Variants in CACNB4 observed in about 807,000 individuals in gnomAD.
The protein encoded by CACNB4 is calcium voltage-gated channel auxiliary subunit beta 4.
Under a neutral mutation model 71.2 loss-of-function variants are expected in CACNB4, and 32 were observed. That is an observed-to-expected ratio of 0.45 (90% CI 0.34 to 0.60). The LOEUF (loss-of-function observed/expected upper bound fraction) is 0.60. Among genes scored for constraint, CACNB4 ranks in the 20% least tolerant of loss-of-function variants. The pLI is 0.01. For synonymous variants in CACNB4, 231 were observed against 236.9 expected, an observed-to-expected ratio of 0.97 and a Z score of 0.23; for missense variants, 464 against 647.9, an observed-to-expected ratio of 0.72 and a Z score of 3.08.
At chr2:152,056,397 T>TGTCCCC (rs1685732437) in intron 2 of CACNB4, among the ~76,000 whole-genome samples, 1 of 151,236 alleles carries the variant, frequency 6.6e-6, no homozygotes, top group Non-Finnish European at 1.5e-5. Context: ...TTTTCAGAAA[T>TGTCCCC]ATCGTGTCCC....
At chr2:151,991,151 G>C in intron 2 of CACNB4, among the ~76,000 whole-genome samples, 1 of 152,172 alleles carries the variant, frequency 6.6e-6, no homozygotes. Context: ...CAAGCTAGCA[G>C]TGATGAACTC....
chr2:152,082,187 T>A (rs1205617166), intron 2 of CACNB4, among the ~76,000 whole-genome samples: 1 of 152,232 alleles, frequency 6.6e-6, no homozygotes, highest in Non-Finnish European at 1.5e-5. Flanking sequence ...TCTTTGCACA[T>A]CCTTTCATGC....
At chr2:151,901,049 A>C (rs2099853295) in intron 2 of CACNB4, among the ~76,000 whole-genome samples, 2 of 135,898 alleles carry the variant, frequency 1.5e-5, no homozygotes, top group Admixed American at 1.6e-4. Context: ...GCTGAAATGC[A>C]GTGGTGCAAT....
intron 2 of CACNB4, among the ~76,000 whole-genome samples, chr2:151,941,281 T>TC (rs1457323117): frequency 1.3e-5 from 2 of 148,404 alleles, no homozygotes. Context: ...GTTAATTTTT[T>TC]TTTTTTTTTT....
At chr2:152,048,546 A>T (rs1429654385) in intron 2 of CACNB4, 1 of 152,284 alleles carries the variant, frequency 6.6e-6, no homozygotes, top group African/African-American at 2.4e-5. Context: ...CGATGAGAGA[A>T]GTTGGCAGAG....
intron 2 of CACNB4, among the ~76,000 whole-genome samples, chr2:152,061,713 T>G (rs954150118): frequency 6.6e-6 from 1 of 151,066 alleles, no homozygotes; most frequent in Non-Finnish European, 1.5e-5. Context: ...AGAATGATCA[T>G]GTAAATAATG....
At chr2:152,092,748 T>G (rs79936632) in intron 2 of CACNB4, among the ~76,000 whole-genome samples, 19 of 151,968 alleles carry the variant, frequency 1.3e-4, no homozygotes, top group Non-Finnish European at 2.4e-4. Context: ...AGTCCACCCT[T>G]AACCGTGGGG....
intron 2 of CACNB4, among the ~76,000 whole-genome samples, chr2:152,020,383 A>T (rs897208788): frequency 1.3e-5 from 2 of 152,190 alleles, no homozygotes; most frequent in African/African-American, 4.8e-5. Flanking sequence ...CAATTTGGCA[A>T]TGAAGTTGTG....
chr2:151,967,578 A>C (rs554104029), intron 2 of CACNB4: 2 of 152,324 alleles, frequency 1.3e-5, no homozygotes, highest in African/African-American at 4.8e-5. Flanking sequence ...ATAACGTAGA[A>C]GGTCAGAATC....
chr2:152,021,975 T>C (rs1226812561), intron 2 of CACNB4, among the ~76,000 whole-genome samples: 2 of 152,170 alleles, frequency 1.3e-5, no homozygotes, highest in Admixed American at 6.5e-5. Flanking sequence ...AGTATAAGCG[T>C]CTAATCTTTA....
intron 2 of CACNB4, among the ~76,000 whole-genome samples, chr2:151,939,112 C>A (rs1161696607): frequency 6.6e-6 from 1 of 152,204 alleles, no homozygotes; most frequent in Non-Finnish European, 1.5e-5. Flanking sequence ...TGCTCCTCCT[C>A]AGTCAGCAGC....
At chr2:152,039,788 A>AG (rs1684780884) in intron 2 of CACNB4, among the ~76,000 whole-genome samples, 1 of 152,266 alleles carries the variant, frequency 6.6e-6, no homozygotes, top group African/African-American at 2.4e-5. Context: ...AAACTACGTA[A>AG]GTCCTCAGAA....
In CACNB4 at chr2:151,962,801, A is replaced by C. The variant is rs541169776; in HGVS notation, c.148-79431T>G. 3 of 152,338 alleles carry C rather than the reference A, an allele frequency of 2.0e-5. No individual in the cohort carries two copies. In the South Asian group the frequency reaches 6.2e-4, roughly 32 times the overall value. The allele number at this position is 152,338 out of a possible 1,614,324, so 9.4% of individuals were successfully genotyped here. On this transcript the variant is annotated intron_variant, in intron 2 of 13. Coordinates refer to ENST00000539935, the MANE Select transcript of CACNB4 (RefSeq NM_000726.5). Reference sequence around the variant, plus strand: ...GCAACATCAAACAAACGCTTGAAAGAAATTGGGAAGCAAATCTGGTCTACA... The same window carrying C: ...GCAACATCAAACAAACGCTTGAAAGCAATTGGGAAGCAAATCTGGTCTACA...
intron 2 of CACNB4, among the ~76,000 whole-genome samples, chr2:152,036,235 T>C (rs1307176594): frequency 6.6e-6 from 1 of 152,224 alleles, no homozygotes; most frequent in African/African-American, 2.4e-5. Flanking sequence ...AGGGATCTGT[T>C]GCATAATGGA....
At chr2:152,097,088 C>T (rs150393787) in intron 2 of CACNB4, among the ~76,000 whole-genome samples, 285 of 152,210 alleles carry the variant, frequency 1.9e-3, no homozygotes, top group African/African-American at 6.6e-3. Context: ...ATTCGGAATC[C>T]AAAATGCATT....
At chr2:151,929,930 C>A (rs1008337160) in intron 2 of CACNB4, among the ~76,000 whole-genome samples, 4 of 151,988 alleles carry the variant, frequency 2.6e-5, no homozygotes, top group East Asian at 3.8e-4. Flanking sequence ...AAAATATAAT[C>A]TTTCCCATAT....
chr2:151,840,202 A>G (rs2099835811), intron 13 of CACNB4, among the ~76,000 whole-genome samples: 1 of 152,230 alleles, frequency 6.6e-6, no homozygotes, highest in African/African-American at 2.4e-5. Flanking sequence ...CCATGGGCCC[A>G]GACACATCTC....
intron 2 of CACNB4, among the ~76,000 whole-genome samples, chr2:152,076,488 G>A (rs1390373371): frequency 6.6e-6 from 1 of 151,994 alleles, no homozygotes; most frequent in African/African-American, 2.4e-5. Flanking sequence ...CATGCAAGAA[G>A]TCACTGTAGT....
intron 2 of CACNB4, among the ~76,000 whole-genome samples, chr2:152,045,546 G>A (rs1230194658): frequency 6.6e-6 from 1 of 152,070 alleles, no homozygotes; most frequent in African/African-American, 2.4e-5. Context: ...TGCATCTAAT[G>A]TACTTAGTGC....
Sources: gnomAD v4.1 joint callset for allele counts (sites outside exome capture counted in the v4.1 genomes callset) on GRCh38, gnomAD v4.1.1 for gene constraint, MANE v1.5 for transcripts, NCBI Gene and HGNC (gene_info 2026-07-23, HGNC 2026-07-21) for gene names.